SLC35F3: variants seen among roughly 807,000 people sequenced by gnomAD.
SLC35F3 encodes the protein putative thiamine transporter SLC35F3.
In SLC35F3, 25 loss-of-function variants were observed where a neutral mutation model predicts 49.9. The observed-to-expected ratio is 0.50, with a 90% CI of 0.37 to 0.70. The LOEUF (loss-of-function observed/expected upper bound fraction) is 0.70. Among genes scored for constraint, SLC35F3 ranks in the 30% least tolerant of loss-of-function variants. The pLI is 0.00. For missense variants in SLC35F3, 525 were observed against 639.8 expected, an observed-to-expected ratio of 0.82 and a Z score of 1.94; for synonymous variants, 275 against 265.4, an observed-to-expected ratio of 1.04 and a Z score of -0.35.
intron 2 of SLC35F3, among the ~76,000 whole-genome samples, chr1:234,023,563 T>G (rs568844134): frequency 6.6e-6 from 1 of 152,214 alleles, no homozygotes; most frequent in South Asian, 2.1e-4. Flanking sequence ...ATAACTTAGA[T>G]AGACACTCCA....
intron 3 of SLC35F3, among the ~76,000 whole-genome samples, chr1:234,253,229 G>A (rs1667765106): frequency 6.6e-6 from 1 of 152,136 alleles, no homozygotes; most frequent in African/African-American, 2.4e-5. Flanking sequence ...AGGAGGCTGA[G>A]GCAGGAGGAT....
chr1:233,974,174 CTTTTTTT>C (rs757673463), intron 2 of SLC35F3, among the ~76,000 whole-genome samples: 10 of 83,096 alleles, frequency 1.2e-4, no homozygotes, highest in South Asian at 4.5e-4. Context: ...ATTTCTATTT[CTTTTTTT>C]TTTTTTTTTT....
chr1:234,135,329 A>G (rs990516919), intron 2 of SLC35F3, among the ~76,000 whole-genome samples: 1 of 152,188 alleles, frequency 6.6e-6, no homozygotes, highest in Non-Finnish European at 1.5e-5. Context: ...AAAATATCTT[A>G]TGTACCTGTA....
intron 2 of SLC35F3, among the ~76,000 whole-genome samples, chr1:234,098,098 G>A (rs550986545): frequency 2.7e-5 from 4 of 150,724 alleles, no homozygotes; most frequent in Non-Finnish European, 4.4e-5. Flanking sequence ...GATGATGGAG[G>A]TGGTGACTGT....
At chr1:234,092,562 C>G (rs201748856) in intron 2 of SLC35F3, among the ~76,000 whole-genome samples, 49 of 152,210 alleles carry the variant, frequency 3.2e-4, no homozygotes, top group African/African-American at 1.2e-3. Context: ...CAAAGTGCTG[C>G]GAATAAAAAT....
At chr1:234,057,852 T>C (rs1216211840) in intron 2 of SLC35F3, among the ~76,000 whole-genome samples, 1 of 152,158 alleles carries the variant, frequency 6.6e-6, no homozygotes, top group Non-Finnish European at 1.5e-5. Context: ...ATTACAGTTG[T>C]GCACCACCAG....
chr1:234,104,372 AG>A (rs1386546380), intron 2 of SLC35F3, among the ~76,000 whole-genome samples: 1 of 152,224 alleles, frequency 6.6e-6, no homozygotes, highest in Non-Finnish European at 1.5e-5. Flanking sequence ...AAAACTATAA[AG>A]AAAGAAAAAT....
rs993507084 is a variant in SLC35F3 at position 234,212,337 on chromosome 1, C to T, written c.284-19080C>T. 4.6e-5 allele frequency among the ~76,000 whole-genome samples: 7 copies of T among 152,198 alleles called. No individual in the cohort carries two copies. In the East Asian group the frequency reaches 1.3e-3, roughly 29 times the overall value. On this transcript the variant is annotated intron_variant, in intron 2 of 7. Coordinates refer to ENST00000366618, the MANE Select transcript of SLC35F3 (RefSeq NM_173508.4). ...CAGTTTCCCCAGGAGTGTACAGATG[C>T]TCAGGCACGGTGAAGTCATGTATCA... is the stretch of plus-strand genomic sequence containing the variant.
chr1:234,067,185 T>C (rs1398121634), intron 2 of SLC35F3, among the ~76,000 whole-genome samples: 3 of 152,098 alleles, frequency 2.0e-5, no homozygotes, highest in Non-Finnish European at 2.9e-5. Flanking sequence ...ACACTGCAAA[T>C]GACAACTGAT....
At chr1:234,226,961 G>GCA (rs57809897) in intron 2 of SLC35F3, among the ~76,000 whole-genome samples, 4,989 of 148,676 alleles carry the variant, frequency 0.034, 121 homozygotes, top group African/African-American at 0.072. Flanking sequence ...GCGCACGCGT[G>GCA]CACACACACA....
intron 2 of SLC35F3, among the ~76,000 whole-genome samples, chr1:233,918,990 A>G (rs1662018372): frequency 6.6e-6 from 1 of 152,184 alleles, no homozygotes; most frequent in Non-Finnish European, 1.5e-5. Flanking sequence ...ACATCAAATG[A>G]CAGATGAATA....
At chr1:234,203,891 T>C (rs967117860) in intron 2 of SLC35F3, among the ~76,000 whole-genome samples, 1 of 152,166 alleles carries the variant, frequency 6.6e-6, no homozygotes, top group East Asian at 1.9e-4. Flanking sequence ...TGAATATATA[T>C]GAGGTAGGTA....
chr1:234,007,712 A>C (rs1420394981), intron 2 of SLC35F3, among the ~76,000 whole-genome samples: 1 of 152,244 alleles, frequency 6.6e-6, no homozygotes, highest in Admixed American at 6.5e-5. Flanking sequence ...CTGCATGTTG[A>C]AATTTTTGGT....
chr1:234,038,242 C>T (rs1311439313), intron 2 of SLC35F3, among the ~76,000 whole-genome samples: 1 of 150,708 alleles, frequency 6.6e-6, no homozygotes, highest in African/African-American at 2.4e-5. Flanking sequence ...CGATAGTTTA[C>T]TGAGAATGAT....
intron 2 of SLC35F3, among the ~76,000 whole-genome samples, chr1:234,183,528 T>C (rs1398388255): frequency 7.0e-6 from 1 of 143,036 alleles, no homozygotes; most frequent in African/African-American, 2.4e-5. Context: ...TACTCAGGAC[T>C]TGACATGAAA....
intron 2 of SLC35F3, among the ~76,000 whole-genome samples, chr1:233,910,190 T>G (rs1273528057): frequency 6.6e-6 from 1 of 152,258 alleles, no homozygotes; most frequent in Non-Finnish European, 1.5e-5. Flanking sequence ...AATGACTGAT[T>G]AGAATATCTT....
intron 2 of SLC35F3, among the ~76,000 whole-genome samples, chr1:233,982,897 C>T (rs1014128295): frequency 6.6e-6 from 1 of 152,172 alleles, no homozygotes; most frequent in African/African-American, 2.4e-5. Flanking sequence ...GCTATGAGAA[C>T]AGATGATGGC....
chr1:234,120,690 T>TCA (rs1665557261), intron 2 of SLC35F3, among the ~76,000 whole-genome samples: 1 of 152,258 alleles, frequency 6.6e-6, no homozygotes, highest in African/African-American at 2.4e-5. Flanking sequence ...AGACAGCCCT[T>TCA]GGTCTCCTTC....
At chr1:234,163,131 C>A (rs1355083157) in intron 2 of SLC35F3, among the ~76,000 whole-genome samples, 1 of 152,224 alleles carries the variant, frequency 6.6e-6, no homozygotes, top group African/African-American at 2.4e-5. Flanking sequence ...AGTGCCTATA[C>A]CCAGAAGGAC....
Sources: gnomAD v4.1 joint callset for allele counts (sites outside exome capture counted in the v4.1 genomes callset) on GRCh38, gnomAD v4.1.1 for gene constraint, MANE v1.5 for transcripts, NCBI Gene and HGNC (gene_info 2026-07-23, HGNC 2026-07-21) for gene names.